PCSK2: variants seen among roughly 807,000 people sequenced by gnomAD.
The protein encoded by PCSK2 is neuroendocrine convertase 2.
PCSK2 carries 14 observed loss-of-function variants against 69.7 expected under a neutral mutation model. The ratio of observed to expected loss-of-function variants is 0.20; its 90% confidence interval spans 0.13 to 0.31. The LOEUF (loss-of-function observed/expected upper bound fraction) is 0.31. Among genes scored for constraint, PCSK2 ranks in the 10% least tolerant of loss-of-function variants. The pLI is 1.00. For synonymous variants in PCSK2, 307 were observed against 320.7 expected (o/e 0.96, Z 0.46); for missense variants, 544 against 842.5 (o/e 0.65, Z 4.39).
intron 1 of PCSK2, among the ~76,000 whole-genome samples, chr20:17,242,486 T>C (rs1397929362): frequency 1.3e-5 from 2 of 152,254 alleles, no homozygotes; most frequent in Non-Finnish European, 2.9e-5. Context: ...AGCACACTTA[T>C]AGTTCTATAG....
chr20:17,433,812 T>TCTCTCCCCC (rs774361715), intron 7 of PCSK2, among the ~76,000 whole-genome samples: 1 of 104,130 alleles, frequency 9.6e-6, no homozygotes, highest in Non-Finnish European at 1.9e-5. Context: ...TCTCTCTCTC[T>TCTCTCCCCC]CCCCCCACTT....
chr20:17,334,783 C>T (rs541503565), intron 2 of PCSK2, among the ~76,000 whole-genome samples: 38 of 152,310 alleles, frequency 2.5e-4, no homozygotes, highest in Admixed American at 5.2e-4. Context: ...TCTGCGCCAC[C>T]AACTGAATCT....
At position 17,409,388 on chromosome 20, in the gene PCSK2, A is replaced by G. The variant is rs73259762; in HGVS notation, c.620+49A>G. ...CTTTGACTTTAGGCTTTGGGGTTTT[A>G]TTCTACTTTGTTTTGTTTCAGGCTT... On this transcript the variant is annotated intron_variant, in intron 6 of 11. Coordinates refer to ENST00000262545, the MANE Select transcript of PCSK2 (RefSeq NM_002594.5). 593 of 1,296,118 alleles carry G rather than the reference A, an allele frequency of 4.6e-4. 1 individual carries two copies. The African/African-American group carries it at 7.4e-3, about 16-fold the overall frequency. 80.3% of individuals were successfully genotyped at this position (1,296,118 alleles called of 1,614,324 possible).
At chr20:17,479,913 A>C (rs1013245996) in intron 11 of PCSK2, among the ~76,000 whole-genome samples, 3 of 151,942 alleles carry the variant, frequency 2.0e-5, no homozygotes, top group African/African-American at 7.2e-5. Flanking sequence ...ATTCTAATCC[A>C]AATGGGTTTA....
intron 10 of PCSK2, among the ~76,000 whole-genome samples, chr20:17,460,868 G>C (rs1470111085): frequency 2.6e-5 from 4 of 152,222 alleles, no homozygotes; most frequent in African/African-American, 9.6e-5. Context: ...CCAGCACTGT[G>C]CTAGGTACTT....
At chr20:17,419,086 C>G (rs2032065676) in intron 6 of PCSK2, among the ~76,000 whole-genome samples, 2 of 152,240 alleles carry the variant, frequency 1.3e-5, no homozygotes, top group Non-Finnish European at 2.9e-5. Flanking sequence ...AATAGCAACA[C>G]ATCTCTCCTA....
At chr20:17,424,563 G>C (rs1306832769) in intron 6 of PCSK2, among the ~76,000 whole-genome samples, 1 of 152,108 alleles carries the variant, frequency 6.6e-6, no homozygotes, top group Admixed American at 6.5e-5. Flanking sequence ...CTCCGTCTCG[G>C]CTCACTGTGA....
chr20:17,375,030 A>AT (rs1217518600), intron 5 of PCSK2, among the ~76,000 whole-genome samples: 2 of 151,976 alleles, frequency 1.3e-5, no homozygotes, highest in Non-Finnish European at 1.5e-5. Context: ...TTGAACCTTA[A>AT]TTTTTTCATC....
intron 1 of PCSK2, among the ~76,000 whole-genome samples, chr20:17,243,390 A>G (rs1335696210): frequency 6.6e-6 from 1 of 152,138 alleles, no homozygotes; most frequent in African/African-American, 2.4e-5. Context: ...TCTAAAGACA[A>G]GGCCTGGCAA....
chr20:17,317,501 C>A (rs17776374), intron 2 of PCSK2, among the ~76,000 whole-genome samples: 23,188 of 152,184 alleles, frequency 0.15, 2,254 homozygotes, highest in Non-Finnish European at 0.22. Flanking sequence ...CCATTAGTGT[C>A]CCTCTTGACA....
chr20:17,321,076 T>G (rs1989851264), intron 2 of PCSK2, among the ~76,000 whole-genome samples: 1 of 152,214 alleles, frequency 6.6e-6, no homozygotes, highest in South Asian at 2.1e-4. Context: ...CAACCAATAA[T>G]GTCTCAGCTG....
intron 5 of PCSK2, among the ~76,000 whole-genome samples, chr20:17,384,525 C>T (rs963142385): frequency 1.3e-5 from 2 of 152,032 alleles, no homozygotes; most frequent in Non-Finnish European, 2.9e-5. Context: ...TTGCTTGAAC[C>T]CAGGAGGTGG....
intron 2 of PCSK2, among the ~76,000 whole-genome samples, chr20:17,264,677 A>G (rs1056729215): frequency 6.6e-6 from 1 of 152,210 alleles, no homozygotes; most frequent in African/African-American, 2.4e-5. Flanking sequence ...CCACTGGAGC[A>G]AAAGAAAAGT....
intron 2 of PCSK2, among the ~76,000 whole-genome samples, chr20:17,291,664 G>C (rs1261894563): frequency 6.6e-6 from 1 of 152,136 alleles, no homozygotes; most frequent in African/African-American, 2.4e-5. Flanking sequence ...GTACTTCTGA[G>C]GTATAGAAGG....
intron 2 of PCSK2, among the ~76,000 whole-genome samples, chr20:17,276,721 A>G (rs369573202): frequency 6.6e-6 from 1 of 152,164 alleles, no homozygotes; most frequent in East Asian, 1.9e-4. Flanking sequence ...TGGCCAGGGC[A>G]ATCAGGCAGG....
chr20:17,481,858 A>G lies in PCSK2; in HGVS notation c.1705A>G (p.Thr569Ala). 6.2e-7 allele frequency: 1 copy of G among 1,614,024 alleles called. No homozygotes were observed. Among genetic ancestry groups the G allele is most frequent in the Non-Finnish European group, 8.5e-7 (1 of 1,180,000 alleles). ...GGGGGAAGACGCCCGAGGCACCTGG[A>G]CCCTGGAGCTGGGATTTGTCGGCAG... Reference protein sequence around the residue: ...TWGEDARGTWTLELGFVGSAP... With the variant: ...TWGEDARGTWALELGFVGSAP... The change falls in exon 12 of 12, where the codon ACC becomes GCC. Residue 569 changes from threonine to alanine, a missense_variant. Thr to Ala is a moderately conservative substitution (Grantham distance 58). Around this residue, in one of 3 missense-constraint regions of PCSK2, gnomAD observed 200 missense variants for 287.8 expected, o/e 0.69. Coordinates refer to ENST00000262545, the MANE Select transcript of PCSK2 (RefSeq NM_002594.5).
intron 2 of PCSK2, among the ~76,000 whole-genome samples, chr20:17,333,332 A>G (rs2424075): frequency 0.082 from 12,485 of 152,238 alleles, 583 homozygotes; most frequent in African/African-American, 0.12. Context: ...CCAAATTAAA[A>G]GTTTACAAAG....
At chr20:17,264,502 CAT>C (rs1199238544) in intron 2 of PCSK2, among the ~76,000 whole-genome samples, 1 of 152,164 alleles carries the variant, frequency 6.6e-6, no homozygotes, top group Non-Finnish European at 1.5e-5. Context: ...AATGTATCCA[CAT>C]GTTTAATAAC....
At chr20:17,463,554 A>G (rs972609712) in intron 10 of PCSK2, 2 of 151,438 alleles carry the variant, frequency 1.3e-5, no homozygotes, top group Admixed American at 1.3e-4. Flanking sequence ...ACATGTGCAC[A>G]ATGTGCAGGT....
Sources: gnomAD v4.1 joint callset for allele counts (sites outside exome capture counted in the v4.1 genomes callset) on GRCh38, gnomAD v4.1.1 for gene constraint, gnomAD v4.1.1 regional missense constraint, MANE v1.5 for transcripts, NCBI Gene and HGNC (gene_info 2026-07-23, HGNC 2026-07-21) for gene names.